Variants in QTMAN observed in about 807,000 individuals in gnomAD.
QTMAN encodes the protein queuosine-tRNA mannosyltransferase.
chr2:143,975,477 T>C, the QTMAN span, among the ~76,000 whole-genome samples: 3 of 152,196 alleles, frequency 2.0e-5, no homozygotes, highest in Non-Finnish European at 4.4e-5. Flanking sequence ...GGATAAATGT[T>C]ACTTGTTTTG....
the QTMAN span, among the ~76,000 whole-genome samples, chr2:144,164,301 A>G: frequency 1.3e-5 from 2 of 151,958 alleles, no homozygotes; most frequent in Non-Finnish European, 2.9e-5. Context: ...GGCCTATGAG[A>G]GTACTCCTCT....
chr2:144,077,992 T>C, the QTMAN span, among the ~76,000 whole-genome samples: 2 of 120,310 alleles, frequency 1.7e-5, no homozygotes, highest in African/African-American at 6.4e-5. Context: ...CATATAAAAA[T>C]GCCATTTGAC....
At chr2:144,141,750 G>T in the QTMAN span, 1 of 617,658 alleles carries the variant, frequency 1.6e-6, no homozygotes, top group East Asian at 2.7e-5. Context: ...ACAGCATGGT[G>T]AGATAGAACT....
the QTMAN span, chr2:144,208,695 G>T: frequency 2.5e-6 from 4 of 1,613,604 alleles, no homozygotes; most frequent in Non-Finnish European, 3.4e-6. Flanking sequence ...GGGTATAAAC[G>T]ACACAGTCTC....
At chr2:144,184,062 C>A in the QTMAN span, among the ~76,000 whole-genome samples, 2 of 152,248 alleles carry the variant, frequency 1.3e-5, no homozygotes, top group Admixed American at 1.3e-4. Flanking sequence ...TGAGCAAAAG[C>A]TGGGATAAGT....
chr2:144,082,769 C>G, the QTMAN span, among the ~76,000 whole-genome samples: 1 of 152,112 alleles, frequency 6.6e-6, no homozygotes, highest in Non-Finnish European at 1.5e-5. Context: ...TTCTTGCTCT[C>G]AGTCACGGGC....
At chr2:144,245,132 G>A in the QTMAN span, among the ~76,000 whole-genome samples, 17 of 152,322 alleles carry the variant, frequency 1.1e-4, no homozygotes, top group Non-Finnish European at 1.9e-4. Flanking sequence ...ATTGTAATTA[G>A]CATCATGAAA....
chr2:144,043,292 A>ATG, the QTMAN span, among the ~76,000 whole-genome samples: 1 of 151,758 alleles, frequency 6.6e-6, no homozygotes, highest in East Asian at 1.9e-4. Context: ...ATATATATAT[A>ATG]TGTGTTGGGA....
At chr2:144,101,999 T>C in the QTMAN span, among the ~76,000 whole-genome samples, 1 of 152,218 alleles carries the variant, frequency 6.6e-6, no homozygotes, top group African/African-American at 2.4e-5. Context: ...TCACACTTAC[T>C]GTTTCCCATA....
the QTMAN span, among the ~76,000 whole-genome samples, chr2:144,126,531 C>CAGTATGTATTTG: frequency 1.3e-5 from 2 of 151,966 alleles, no homozygotes; most frequent in Non-Finnish European, 2.9e-5. Flanking sequence ...GGGATGCATA[C>CAGTATGTATTTG]AGTCATACAC....
chr2:144,309,647 A>G, the QTMAN span, among the ~76,000 whole-genome samples: 2 of 152,242 alleles, frequency 1.3e-5, no homozygotes, highest in Non-Finnish European at 2.9e-5. Context: ...TTTTGAAGTG[A>G]TGGAGATGTT....
chr2:144,079,830 T>C, the QTMAN span, among the ~76,000 whole-genome samples: 1 of 152,136 alleles, frequency 6.6e-6, no homozygotes, highest in Non-Finnish European at 1.5e-5. Context: ...CTGTAAGCAG[T>C]ACTCTTATTG....
the QTMAN span, among the ~76,000 whole-genome samples, chr2:144,313,058 T>C: frequency 6.6e-6 from 1 of 152,198 alleles, no homozygotes; most frequent in Admixed American, 6.5e-5. Context: ...CTGCAGCTCA[T>C]TAAACATCCA....
the QTMAN span, among the ~76,000 whole-genome samples, chr2:144,284,157 G>A: frequency 6.6e-6 from 1 of 150,604 alleles, no homozygotes; most frequent in Non-Finnish European, 1.5e-5. Flanking sequence ...GATATAAAAT[G>A]GTAATACTTT....
chr2:143,962,442 C>T, the QTMAN span, among the ~76,000 whole-genome samples: 2 of 152,034 alleles, frequency 1.3e-5, no homozygotes, highest in African/African-American at 4.8e-5. Context: ...TGAAGAACCT[C>T]CCCCGCTATA....
chr2:144,063,982 T>A, the QTMAN span, among the ~76,000 whole-genome samples: 1 of 152,212 alleles, frequency 6.6e-6, no homozygotes, highest in African/African-American at 2.4e-5. Context: ...CCTACAGTAA[T>A]AATGCTTTGT....
the QTMAN span, among the ~76,000 whole-genome samples, chr2:144,061,293 A>T: frequency 6.6e-6 from 1 of 152,190 alleles, no homozygotes; most frequent in East Asian, 1.9e-4. Flanking sequence ...GATTTCCATC[A>T]ATGTATGAAA....
chr2:144,318,778 T>C, the QTMAN span, among the ~76,000 whole-genome samples: 2 of 151,968 alleles, frequency 1.3e-5, no homozygotes, highest in Non-Finnish European at 2.9e-5. Context: ...ATATAAAAAG[T>C]AATCTATGGT....
chr2:144,245,614 C>A, the QTMAN span, among the ~76,000 whole-genome samples: 1 of 152,000 alleles, frequency 6.6e-6, no homozygotes, highest in Non-Finnish European at 1.5e-5. Flanking sequence ...TTTCTTTAAC[C>A]AAATAGAATT....
Sources: gnomAD v4.1 joint callset for allele counts (sites outside exome capture counted in the v4.1 genomes callset) on GRCh38, gnomAD v4.1.1 for gene constraint, MANE v1.5 for transcripts, NCBI Gene and HGNC (gene_info 2026-07-23, HGNC 2026-07-21) for gene names.